The following HS6ST1 variants were observed in gnomAD, a reference collection of about 807,000 sequenced individuals.
HS6ST1 encodes the protein heparan sulfate 6-O-sulfotransferase 1.
Under a neutral mutation model 25.2 loss-of-function variants are expected in HS6ST1, and 3 were observed. The observed-to-expected ratio is 0.12, with a 90% CI of 0.05 to 0.31. HS6ST1 has a LOEUF of 0.31. Among genes scored for constraint, HS6ST1 ranks in the 10% least tolerant of loss-of-function variants. HS6ST1 has a pLI of 1.00. For missense variants in HS6ST1, 310 were observed against 609.6 expected (o/e 0.51, Z 5.18); for synonymous variants, 204 against 275.1 (o/e 0.74, Z 2.56).
At chr2:128,285,869 C>G (rs926565670) in intron 1 of HS6ST1, among the ~76,000 whole-genome samples, 1 of 152,236 alleles carries the variant, frequency 6.6e-6, no homozygotes, top group Non-Finnish European at 1.5e-5. Flanking sequence ...CAGGTGCCGT[C>G]TGCCCCAAAA....
At chr2:128,317,798 G>A (rs1694396814) in intron 1 of HS6ST1, among the ~76,000 whole-genome samples, 1 of 152,178 alleles carries the variant, frequency 6.6e-6, no homozygotes, top group African/African-American at 2.4e-5. Flanking sequence ...CGGCAGTAGG[G>A]CAGCACAAGG....
chr2:128,304,158 T>C (rs1003369994), intron 1 of HS6ST1, among the ~76,000 whole-genome samples: 3 of 152,242 alleles, frequency 2.0e-5, no homozygotes, highest in African/African-American at 7.2e-5. Context: ...TCTCGGGTCA[T>C]CTTAGTCTCC....
intron 1 of HS6ST1, among the ~76,000 whole-genome samples, chr2:128,277,509 C>T (rs17016070): frequency 0.11 from 17,348 of 152,258 alleles, 1,361 homozygotes; most frequent in African/African-American, 0.21. Flanking sequence ...TGGCCATCCC[C>T]GAGGCGCCCT....
In HS6ST1 at chr2:128,266,879, A is replaced by G. The variant is rs1425856105; in HGVS notation, c.*1283T>C. On this transcript the variant is annotated 3_prime_UTR_variant, in exon 2 of 2. Transcript: ENST00000259241. ...ACATGGCTTTTGGTAGGGCCATTGCAGCCAGTGGGGAAACCTGCGCGGCTG... is the reference window on the plus strand; with the variant it reads ...ACATGGCTTTTGGTAGGGCCATTGCGGCCAGTGGGGAAACCTGCGCGGCTG... 6.6e-6 allele frequency: 1 copy of G among 152,064 alleles called. No homozygotes were observed. Among genetic ancestry groups the G allele is most frequent in the Non-Finnish European group, 1.5e-5 (1 of 68,064 alleles). The allele number at this position is 152,064 out of a possible 1,614,324, so 9.4% of individuals were successfully genotyped here.
At chr2:128,305,729 C>T (rs1694199183) in intron 1 of HS6ST1, among the ~76,000 whole-genome samples, 1 of 152,246 alleles carries the variant, frequency 6.6e-6, no homozygotes, top group Non-Finnish European at 1.5e-5. Context: ...TGCCCTTGAT[C>T]CTCTCAGGGG....
intron 1 of HS6ST1, among the ~76,000 whole-genome samples, chr2:128,312,367 C>T (rs1355810657): frequency 6.6e-6 from 1 of 152,240 alleles, no homozygotes; most frequent in African/African-American, 2.4e-5. Flanking sequence ...ATATACTTGT[C>T]TTGGGGGAGT....
At chr2:128,279,848 C>A (rs1273117427) in intron 1 of HS6ST1, among the ~76,000 whole-genome samples, 1 of 152,164 alleles carries the variant, frequency 6.6e-6, no homozygotes, top group Non-Finnish European at 1.5e-5. Flanking sequence ...GAGAGGCAAC[C>A]TGGGAGAACA....
At chr2:128,288,416 C>T (rs1015914610) in intron 1 of HS6ST1, among the ~76,000 whole-genome samples, 19 of 152,180 alleles carry the variant, frequency 1.2e-4, no homozygotes, top group Non-Finnish European at 2.5e-4. Context: ...TACCTACGCC[C>T]GGTGACTCCA....
At position 128,270,009 on chromosome 2, in the gene HS6ST1, T is replaced by A. The variant is rs560374190; in HGVS notation, c.528-1139A>T. ...CCTCCCTGCAGGGAGGGAGGCACAGTGCCTGGCAAGTGGTGCGGTGCCACT... is the reference window on the plus strand; with the variant it reads ...CCTCCCTGCAGGGAGGGAGGCACAGAGCCTGGCAAGTGGTGCGGTGCCACT... On this transcript the variant is annotated intron_variant, in intron 1 of 1. Coordinates refer to ENST00000259241, the MANE Select transcript of HS6ST1 (RefSeq NM_004807.3). Among the ~76,000 whole-genome samples, 11 of 152,262 alleles carry A rather than the reference T, an allele frequency of 7.2e-5. No individual in the cohort carries two copies. The East Asian group carries it at 2.1e-3, about 29-fold the overall frequency.
chr2:128,283,845 C>T (rs1157829401), intron 1 of HS6ST1, among the ~76,000 whole-genome samples: 4 of 152,156 alleles, frequency 2.6e-5, no homozygotes, highest in East Asian at 1.9e-4. Context: ...CCACTCCTGC[C>T]GAAACATCTC....
intron 1 of HS6ST1, among the ~76,000 whole-genome samples, chr2:128,305,812 G>C (rs1694199919): frequency 6.6e-6 from 1 of 152,214 alleles, no homozygotes. Flanking sequence ...AGGAGGGTGG[G>C]CCAGCAGTCC....
intron 1 of HS6ST1, among the ~76,000 whole-genome samples, chr2:128,280,423 C>T (rs929204050): frequency 3.9e-5 from 6 of 152,184 alleles, no homozygotes; most frequent in Non-Finnish European, 5.9e-5. Context: ...GAGGAGACGA[C>T]CCGCTCCCAG....
chr2:128,285,728 G>A (rs1263880846), intron 1 of HS6ST1, among the ~76,000 whole-genome samples: 1 of 152,194 alleles, frequency 6.6e-6, no homozygotes, highest in Non-Finnish European at 1.5e-5. Context: ...TCCCATGGTG[G>A]GTGTCCCTGC....
intron 1 of HS6ST1, among the ~76,000 whole-genome samples, chr2:128,282,109 C>T (rs1693798061): frequency 6.6e-6 from 1 of 152,240 alleles, no homozygotes; most frequent in African/African-American, 2.4e-5. Flanking sequence ...CAATGCTGCT[C>T]AGGACGCCCT....
intron 1 of HS6ST1, among the ~76,000 whole-genome samples, chr2:128,272,512 TACC>T (rs945563239): frequency 2.0e-5 from 3 of 152,138 alleles, no homozygotes; most frequent in African/African-American, 2.4e-5. Context: ...CAGGCTCAGT[TACC>T]ACGTGTCCGA....
intron 1 of HS6ST1, chr2:128,289,591 C>G (rs1157152962): frequency 3.9e-5 from 6 of 152,364 alleles, no homozygotes; most frequent in African/African-American, 1.4e-4. Flanking sequence ...CACCAGAAAA[C>G]AGGTCTCCAG....
Position 128,267,480 on chromosome 2 carries a change from G to C in HS6ST1, c.*682C>G, listed in dbSNP as rs758172474. The C allele has an allele frequency of 6.5e-6, 1 of 153,584 alleles. No homozygotes were observed. Among genetic ancestry groups the C allele is most frequent in the African/African-American group, 2.4e-5 (1 of 41,480 alleles). The allele number at this position is 153,584 out of a possible 1,614,324, so 9.5% of individuals were successfully genotyped here. ...CTTGGTCTGAGGACTGTAGGGAGTG[G>C]GTGGGGCCTGAACATCAGCTTTGGC... On this transcript the variant is annotated 3_prime_UTR_variant, in exon 2 of 2. Coordinates refer to ENST00000259241, the MANE Select transcript of HS6ST1 (RefSeq NM_004807.3).
chr2:128,311,421 C>T (rs1405450118), intron 1 of HS6ST1, among the ~76,000 whole-genome samples: 1 of 152,166 alleles, frequency 6.6e-6, no homozygotes, highest in Non-Finnish European at 1.5e-5. Context: ...TCCAGTGGGG[C>T]TCCCATCTGA....
intron 1 of HS6ST1, among the ~76,000 whole-genome samples, chr2:128,292,054 G>C (rs1464118573): frequency 6.6e-6 from 1 of 150,930 alleles, no homozygotes; most frequent in African/African-American, 2.5e-5. Flanking sequence ...GCCAGGAGAG[G>C]GGCCTGGATG....
Sources: gnomAD v4.1 joint callset for allele counts (sites outside exome capture counted in the v4.1 genomes callset) on GRCh38, gnomAD v4.1.1 for gene constraint, MANE v1.5 for transcripts, NCBI Gene and HGNC (gene_info 2026-07-23, HGNC 2026-07-21) for gene names.